TMEM131L: variants seen among roughly 807,000 people sequenced by gnomAD.
TMEM131L encodes transmembrane protein 131-like.
In TMEM131L, 54 loss-of-function variants were observed where a neutral mutation model predicts 192.2. The observed-to-expected ratio is 0.28, with a 90% CI of 0.23 to 0.35. TMEM131L has a LOEUF of 0.35. Among genes scored for constraint, TMEM131L ranks in the 10% least tolerant of loss-of-function variants. TMEM131L has a pLI of 1.00. For synonymous variants in TMEM131L, 701 were observed against 704.9 expected, an observed-to-expected ratio of 0.99 and a Z score of 0.09; for missense variants, 1,888 against 1,972.9, an observed-to-expected ratio of 0.96 and a Z score of 0.82.
At position 153,585,540 on chromosome 4, in the gene TMEM131L, C is replaced by A. The variant is rs543753114; in HGVS notation, c.1240C>A (p.Arg414Ser). 397 of 1,613,926 alleles carry A rather than the reference C, an allele frequency of 2.5e-4. 6 individuals are homozygous for A. In the South Asian group the frequency reaches 4.1e-3, roughly 17 times the overall value. Residue 414 changes from arginine (R) to serine (S), a missense_variant, in exon 13 of 35, where the codon CGC (arginine) becomes AGC (serine). Coordinates refer to ENST00000409959, the MANE Select transcript of TMEM131L (RefSeq NM_001131007.2). The part of the protein sequence containing the change: ...NTSGLWSIWY[R>S]NHFDRSVVLN... ...ATCAGGACTTTGGTCAATATGGTAC[C>A]GCAACCATTTTGACCGTAGTGTTGT...
At chr4:153,583,534 T>G (rs370081967) in intron 10 of TMEM131L, 30 bp from the exon 11 acceptor site, 1 of 1,362,820 alleles carries the variant, frequency 7.3e-7, no homozygotes, top group African/African-American at 1.4e-5. Flanking sequence ...CAGCTGAGAG[T>G]AGTCACATGG....
chr4:153,536,722 C>T (rs62324749), intron 3 of TMEM131L, among the ~76,000 whole-genome samples: 2 of 104,270 alleles, frequency 1.9e-5, no homozygotes, highest in Non-Finnish European at 4.6e-5. Flanking sequence ...CTATCTATCT[C>T]CCTCCCTCCC....
chr4:153,547,686 T>TC (rs1369902205), intron 3 of TMEM131L, among the ~76,000 whole-genome samples: 3 of 152,242 alleles, frequency 2.0e-5, no homozygotes, highest in Non-Finnish European at 4.4e-5. Context: ...GCCATAGGCC[T>TC]CGAGTGCTCT....
intron 3 of TMEM131L, among the ~76,000 whole-genome samples, chr4:153,537,082 A>C (rs562242915): frequency 6.6e-6 from 1 of 152,188 alleles, no homozygotes; most frequent in Non-Finnish European, 1.5e-5. Context: ...TCCTTTGGCA[A>C]CACCCTCACG....
At chr4:153,617,575 G>A (rs1733069487) in intron 26 of TMEM131L, among the ~76,000 whole-genome samples, 1 of 152,090 alleles carries the variant, frequency 6.6e-6, no homozygotes, top group African/African-American at 2.4e-5. Context: ...TTCATTTTTT[G>A]TAGAAGGCTG....
chr4:153,603,741 C>G, intron 24 of TMEM131L, 61 bp from the exon 25 acceptor site: 1 of 1,492,030 alleles, frequency 6.7e-7, no homozygotes, highest in Non-Finnish European at 9.0e-7. Context: ...GATATGGAAG[C>G]AGACAAGTAG....
chr4:153,555,724 A>G lies in TMEM131L; in HGVS notation c.309-63A>G, dbSNP rs75434509. The G allele has an allele frequency of 5.5e-4, 750 of 1,374,262 alleles. 5 individuals are homozygous for G. The African/African-American group carries it at 1.0e-2, about 18-fold the overall frequency. The allele number at this position is 1,374,262 out of a possible 1,614,324, so 85.1% of individuals were successfully genotyped here. A position where few individuals can be genotyped will look rare whatever the true frequency, so the allele number is the denominator to read the frequency against. On this transcript the variant is annotated intron_variant, in intron 4 of 34. Coordinates refer to ENST00000409959, the MANE Select transcript of TMEM131L (RefSeq NM_001131007.2). This position sits in a 1 kb window ranked among gnomAD's most constrained non-coding sequence, Gnocchi z 4.1. ...TGTGTATATATATAATAATACATATATATGTATGGTAATATTTATAACCAC... is the reference window on the plus strand; with the variant it reads ...TGTGTATATATATAATAATACATATGTATGTATGGTAATATTTATAACCAC...
At chr4:153,508,677 A>G (rs1417336108) in intron 3 of TMEM131L, among the ~76,000 whole-genome samples, 1 of 149,672 alleles carries the variant, frequency 6.7e-6, no homozygotes, top group Non-Finnish European at 1.5e-5. Flanking sequence ...GTTTTTTTTT[A>G]ATTTTTTTTT....
At position 153,593,746 on chromosome 4, in the gene TMEM131L, T is replaced by A. The variant is rs539184828; in HGVS notation, c.1923-53T>A. The stretch of plus-strand genomic sequence containing the variant: ...TATGTGCACACACTTATTAAATCTT[T>A]CTTTACTGGCAGATGTGAGTGCTGT... On this transcript the variant is annotated intron_variant, in intron 18 of 34. Coordinates refer to ENST00000409959, the MANE Select transcript of TMEM131L (RefSeq NM_001131007.2). The A allele has an allele frequency of 3.4e-6, 4 of 1,165,892 alleles. No individual in the cohort carries two copies. In the Admixed American group the frequency reaches 5.1e-5, roughly 15 times the overall value. The allele number at this position is 1,165,892 out of a possible 1,614,324, so 72.2% of individuals were successfully genotyped here.
chr4:153,628,403 C>A (rs886768222), intron 31 of TMEM131L, among the ~76,000 whole-genome samples: 2 of 152,164 alleles, frequency 1.3e-5, no homozygotes, highest in Non-Finnish European at 2.9e-5. Flanking sequence ...TTCTTTCTTG[C>A]CTAACGTGGG....
intron 28 of TMEM131L, among the ~76,000 whole-genome samples, 170 bp from the exon 29 acceptor site, chr4:153,622,728 T>G (rs776420690): frequency 2.0e-5 from 3 of 152,224 alleles, no homozygotes; most frequent in Non-Finnish European, 2.9e-5. Flanking sequence ...CCCTATTATT[T>G]CTCAAAGTGC....
chr4:153,514,928 C>T (rs1411979741), intron 3 of TMEM131L, among the ~76,000 whole-genome samples: 5 of 152,034 alleles, frequency 3.3e-5, no homozygotes, highest in Non-Finnish European at 7.4e-5. Context: ...TTCTCTGCCT[C>T]GGCCTCCCGG....
chr4:153,598,747 G>A lies in TMEM131L; in HGVS notation c.2266+15G>A. ...CTGCCGTAGACGTGAGTTCATATGT[G>A]TGGCACTCTGACAGGGGAGGTTGGC... On this transcript the variant is annotated intron_variant, in intron 21 of 34. Coordinates refer to ENST00000409959, the MANE Select transcript of TMEM131L (RefSeq NM_001131007.2). 3 of 1,556,206 alleles carry A rather than the reference G, an allele frequency of 1.9e-6. No homozygotes were observed. The highest frequency in any genetic ancestry group is 1.4e-5 in the African/African-American group (1 of 73,476).
intron 3 of TMEM131L, among the ~76,000 whole-genome samples, chr4:153,479,943 G>C (rs1339192258): frequency 2.6e-5 from 4 of 152,384 alleles, no homozygotes; most frequent in African/African-American, 7.2e-5. Flanking sequence ...GGGCACAGTG[G>C]CTCATGCCTG....
At chr4:153,494,570 C>T (rs775493349) in intron 3 of TMEM131L, among the ~76,000 whole-genome samples, 2 of 152,142 alleles carry the variant, frequency 1.3e-5, no homozygotes, top group Admixed American at 6.5e-5. Context: ...GGGAAACAGA[C>T]GTTTAGACAT....
chr4:153,489,286 GCA>G (rs1051586761), intron 3 of TMEM131L, among the ~76,000 whole-genome samples: 6 of 152,274 alleles, frequency 3.9e-5, no homozygotes, highest in Admixed American at 1.3e-4. Context: ...CCTGAGAGCT[GCA>G]CAGACCAGTC....
In TMEM131L at chr4:153,603,400, T is replaced by C; in HGVS notation, c.2737T>C (p.Ser913Pro). ...KTRQRQNASS[S>P]SQQNNGPMDV... is the part of the protein sequence containing the mutation. ...AAGACAGAGGCAAAATGCTAGCTCCTCTTCACAGCAAAACAATGGTCCTAT... is the reference window on the plus strand; with the variant it reads ...AAGACAGAGGCAAAATGCTAGCTCCCCTTCACAGCAAAACAATGGTCCTAT... The change falls in exon 24 of 35, where the codon TCT becomes CCT. Residue 913 changes from serine (S) to proline (P), a missense_variant. By Grantham distance (74) the Ser-to-Pro change is moderately conservative. Coordinates refer to ENST00000409959, the MANE Select transcript of TMEM131L (RefSeq NM_001131007.2). The C allele has an allele frequency of 1.9e-6, 3 of 1,614,094 alleles. No homozygotes were observed. Among genetic ancestry groups the C allele is most frequent in the Non-Finnish European group, 2.5e-6 (3 of 1,179,948 alleles).
intron 21 of TMEM131L, among the ~76,000 whole-genome samples, chr4:153,601,437 G>T (rs1462965128): frequency 6.6e-6 from 1 of 152,000 alleles, no homozygotes; most frequent in Non-Finnish European, 1.5e-5. Flanking sequence ...TAAGGTCAGA[G>T]GATTGTTGGA....
At chr4:153,499,173 G>A (rs7667939) in intron 3 of TMEM131L, among the ~76,000 whole-genome samples, 6,262 of 152,302 alleles carry the variant, frequency 0.041, 171 homozygotes, top group Admixed American at 0.071. Context: ...ACCGTTTCAG[G>A]GCTCCGAGGC....
Sources: allele counts gnomAD v4.1 joint callset (sites outside exome capture counted in the v4.1 genomes callset), GRCh38; gene constraint gnomAD v4.1.1; non-coding constraint Gnocchi (gnomAD v3.1); transcripts MANE v1.5; gene names NCBI Gene and HGNC (gene_info 2026-07-23, HGNC 2026-07-21).